The following DMXL2 variants were observed in gnomAD, a reference collection of about 807,000 sequenced individuals.
The protein encoded by DMXL2 is Dmx like 2.
DMXL2 carries 103 observed loss-of-function variants against 331.1 expected under a neutral mutation model. The ratio of observed to expected loss-of-function variants is 0.31; its 90% CI spans 0.27 to 0.37. The LOEUF (loss-of-function observed/expected upper bound fraction) is 0.37. DMXL2 is among the 10% of genes least tolerant of loss of function. The pLI is 1.00. For synonymous variants in DMXL2, 1,281 were observed against 1,252.1 expected (o/e 1.02, Z -0.49); for missense variants, 3,171 against 3,642.9 (o/e 0.87, Z 3.33).
At position 51,479,873 on chromosome 15, in the gene DMXL2, C is replaced by T. The variant is rs538362492; in HGVS notation, c.6756+75G>A. 9.1e-5 allele frequency: 105 copies of T among 1,148,880 alleles called. No individual in the cohort carries two copies. The Admixed American group carries it at 1.3e-3, about 14-fold the overall frequency. 71.2% of individuals were successfully genotyped at this position (1,148,880 alleles called of 1,614,324 possible). On this transcript the variant is annotated intron_variant, in intron 25 of 43. Transcript: ENST00000560891. ...CACTTTGAAATATTTCCCCTAAGTT[C>T]GAATTAAAAGACAGGTATAACATAT...
At chr15:51,483,015 G>C (rs79336098) in intron 23 of DMXL2, among the ~76,000 whole-genome samples, 1,778 of 152,236 alleles carry the variant, frequency 0.012, 34 homozygotes, top group African/African-American at 0.041. Context: ...CACCCAGACT[G>C]GATCTGCCCA....
intron 9 of DMXL2, among the ~76,000 whole-genome samples, chr15:51,538,987 A>C (rs942141045): frequency 6.6e-6 from 1 of 151,972 alleles, no homozygotes; most frequent in Admixed American, 6.6e-5. Flanking sequence ...AGGCGGGTGG[A>C]TTGCCTGAGC....
chr15:51,450,523 C>A (rs755519281), intron 42 of DMXL2, 177 bp from the exon 43 acceptor site: 17 of 642,822 alleles, frequency 2.6e-5, no homozygotes, highest in Admixed American at 8.8e-5. Context: ...AAATGTTAAG[C>A]AATGTCAGAA....
At chr15:51,520,620 G>A (rs559090070) in intron 13 of DMXL2, among the ~76,000 whole-genome samples, 1 of 152,214 alleles carries the variant, frequency 6.6e-6, no homozygotes, top group Admixed American at 6.5e-5. Flanking sequence ...ACTTTGGGGG[G>A]CCGAGCTGGG....
At chr15:51,595,329 A>G (rs1381079231) in intron 1 of DMXL2, among the ~76,000 whole-genome samples, 1 of 152,252 alleles carries the variant, frequency 6.6e-6, no homozygotes, top group African/African-American at 2.4e-5. Context: ...CAATTGCTTC[A>G]AAGAGAATAA....
At chr15:51,595,551 C>T (rs1471853727) in intron 1 of DMXL2, among the ~76,000 whole-genome samples, 1 of 152,194 alleles carries the variant, frequency 6.6e-6, no homozygotes, top group Non-Finnish European at 1.5e-5. Flanking sequence ...ACTTTCTTCA[C>T]AGAATTGGAA....
rs2140933824 is a variant in DMXL2, at chr15:51,545,601, T to C, written c.912A>G (p.Arg304=). Residue 304 remains arginine (R), a synonymous_variant, in exon 8 of 44, where the codon AGA becomes AGG. Transcript: ENST00000560891. ...SLSHAGRHKD[R]IQHALETIHH... is the part of the protein sequence containing the mutation. Reference sequence around the variant, plus strand: ...ATAATACCTCAAGAGCATGCTGTATTCTGTCTTTGTGTCTTCCAGCATGAG... The same window carrying C: ...ATAATACCTCAAGAGCATGCTGTATCCTGTCTTTGTGTCTTCCAGCATGAG... The C allele has an allele frequency of 6.2e-7, 1 of 1,613,444 alleles. No individual in the cohort carries two copies. The highest frequency in any genetic ancestry group is 8.5e-7 in the Non-Finnish European group (1 of 1,179,550).
At chr15:51,450,476 T>C in intron 42 of DMXL2, 130 bp from the exon 43 acceptor site, 1 of 901,942 alleles carries the variant, frequency 1.1e-6, no homozygotes, top group South Asian at 1.7e-5. Flanking sequence ...TATTGTTTTG[T>C]AAGTCATTGA....
Position 51,565,119 on chromosome 15 carries a change from A to G in DMXL2, c.333T>C (p.Ser111=). ...WLKTGQFFLS[S]VTYNLAWDPQ... is the part of the protein sequence containing the mutation. Reference sequence around the variant, plus strand: ...GATCCCATGCTAAGTTGTATGTCACAGAACTCAAAAAAAACTGCCCAGTTT... The same window carrying G: ...GATCCCATGCTAAGTTGTATGTCACGGAACTCAAAAAAAACTGCCCAGTTT... Residue 111 remains serine, a synonymous_variant, in exon 4 of 44, where the codon TCT becomes TCC. Coordinates refer to ENST00000560891, the MANE Select transcript of DMXL2 (RefSeq NM_001378457.1). The G allele has an allele frequency of 1.9e-6, 3 of 1,586,218 alleles. No individual in the cohort carries two copies.
Position 51,499,509 on chromosome 15 carries a change from C to T in DMXL2, c.3715G>A (p.Val1239Ile), listed in dbSNP as rs1203910878. ...RWVLLRSIDL[V>I]SSVDGTPSLP... ...GAAGGAGTACCATCAACAGAAGATA[C>T]CAAGTCTATAGATCTAAGAAGAACC... Residue 1239 changes from valine to isoleucine, a missense_variant, in exon 18 of 44, where the codon GTA (valine) becomes ATA (isoleucine). Val to Ile is a conservative substitution (Grantham distance 29). Coordinates refer to ENST00000560891, the MANE Select transcript of DMXL2 (RefSeq NM_001378457.1). The T allele has an allele frequency of 6.2e-7, 1 of 1,614,122 alleles. No individual in the cohort carries two copies.
chr15:51,569,152 T>C (rs1596291320), intron 2 of DMXL2, among the ~76,000 whole-genome samples: 1 of 152,202 alleles, frequency 6.6e-6, no homozygotes. Flanking sequence ...GTTCAGCGGG[T>C]CCCACCCCCA....
At chr15:51,503,505 T>C (rs1331649095) in intron 16 of DMXL2, among the ~76,000 whole-genome samples, 2 of 152,098 alleles carry the variant, frequency 1.3e-5, no homozygotes, top group Non-Finnish European at 2.9e-5. Context: ...CTCTCACTCA[T>C]ATGTGAGAGC....
intron 29 of DMXL2, among the ~76,000 whole-genome samples, chr15:51,468,167 A>G (rs2040770181): frequency 6.6e-6 from 1 of 152,226 alleles, no homozygotes; most frequent in African/African-American, 2.4e-5. Flanking sequence ...TCTAGAAACA[A>G]TGATCAACCA....
At chr15:51,608,121 G>A (rs1037742629) in intron 1 of DMXL2, among the ~76,000 whole-genome samples, 1 of 151,856 alleles carries the variant, frequency 6.6e-6, no homozygotes, top group Non-Finnish European at 1.5e-5. Context: ...GGAGGCGGAG[G>A]TTGCAGTGAG....
chr15:51,497,403 T>C (rs942415038), intron 18 of DMXL2, among the ~76,000 whole-genome samples: 2 of 152,238 alleles, frequency 1.3e-5, no homozygotes, highest in African/African-American at 4.8e-5. Flanking sequence ...TACTCCTTAA[T>C]GCCTATGTGA....
In DMXL2 at chr15:51,555,713, T is replaced by C. The variant is rs181304211; in HGVS notation, c.567+7668A>G. ...TTATAGATATTAAAAGATAAGGTGT[T>C]TTACACAATTTTGTGCTAATAAATT... is the stretch of plus-strand genomic sequence containing the variant. On this transcript the variant is annotated intron_variant, in intron 6 of 43. Transcript: ENST00000560891. Among the ~76,000 whole-genome samples the C allele has an allele frequency of 9.9e-5, 15 of 152,176 alleles. No homozygotes were observed. The East Asian group carries it at 2.7e-3, about 27-fold the overall frequency.
intron 1 of DMXL2, among the ~76,000 whole-genome samples, chr15:51,615,889 A>T (rs2054255218): frequency 6.6e-6 from 1 of 152,200 alleles, no homozygotes; most frequent in Non-Finnish European, 1.5e-5. Context: ...AATGAGTCTA[A>T]GCCAGAATGT....
intron 19 of DMXL2, 79 bp from the exon 20 acceptor site, chr15:51,491,826 C>T (rs1281480139): frequency 8.2e-6 from 10 of 1,223,200 alleles, no homozygotes; most frequent in African/African-American, 1.6e-5. Context: ...CAGTCACATA[C>T]GCATTCATTT....
intron 6 of DMXL2, among the ~76,000 whole-genome samples, chr15:51,555,045 T>C (rs1339946911): frequency 6.6e-6 from 1 of 151,904 alleles, no homozygotes; most frequent in African/African-American, 2.4e-5. Flanking sequence ...GTAATCCCAG[T>C]CACTTGGGAG....
Sources: allele counts gnomAD v4.1 joint callset (sites outside exome capture counted in the v4.1 genomes callset), GRCh38; gene constraint gnomAD v4.1.1; transcripts MANE v1.5; gene names NCBI Gene and HGNC (gene_info 2026-07-23, HGNC 2026-07-21).